FHL2: variants seen among roughly 807,000 people sequenced by gnomAD.
The protein encoded by FHL2 is four and a half LIM domains 2.
A neutral mutation model predicts 32.7 loss-of-function variants in FHL2; 20 were observed. That is an observed-to-expected ratio of 0.61 (90% CI 0.43 to 0.89). FHL2 has a LOEUF of 0.89. Ranked by LOEUF, FHL2 falls within the 40% of genes least tolerant of loss-of-function variation. FHL2 has a pLI of 0.00. For missense variants in FHL2, 311 were observed against 358.6 expected, an observed-to-expected ratio of 0.87 and a Z score of 1.07; for synonymous variants, 123 against 128.1, an observed-to-expected ratio of 0.96 and a Z score of 0.27.
intron 1 of FHL2, among the ~76,000 whole-genome samples, chr2:105,411,552 T>G (rs909852765): frequency 1.5e-4 from 23 of 148,626 alleles, no homozygotes; most frequent in Admixed American, 1.2e-3. Context: ...TTTTTTTTTT[T>G]TTTTTTTTTT....
intron 1 of FHL2, among the ~76,000 whole-genome samples, chr2:105,424,874 A>G (rs1189699041): frequency 6.6e-6 from 1 of 152,132 alleles, no homozygotes; most frequent in Non-Finnish European, 1.5e-5. Flanking sequence ...CCTGTCAGGG[A>G]GTGGGGGCCT....
At chr2:105,373,337 C>A (rs1402711041) in intron 4 of FHL2, among the ~76,000 whole-genome samples, 1 of 152,214 alleles carries the variant, frequency 6.6e-6, no homozygotes, top group African/African-American at 2.4e-5. Context: ...GACTGCATAA[C>A]ACTGCCCCAC....
chr2:105,362,928 C>A, intron 6 of FHL2: 2 of 227,092 alleles, frequency 8.8e-6, no homozygotes, highest in South Asian at 1.6e-4. Flanking sequence ...CTAGGGGACA[C>A]TTCTAAGAAC....
At chr2:105,370,359 A>G (rs1247025708) in intron 4 of FHL2, among the ~76,000 whole-genome samples, 3 of 151,378 alleles carry the variant, frequency 2.0e-5, no homozygotes, top group Non-Finnish European at 4.4e-5. Context: ...TGAGCGAAAG[A>G]GCGAGATCCT....
At chr2:105,432,867 G>A (rs927214501) in intron 1 of FHL2, among the ~76,000 whole-genome samples, 5 of 152,242 alleles carry the variant, frequency 3.3e-5, no homozygotes, top group Non-Finnish European at 5.9e-5. Context: ...GTATTGAAAG[G>A]TAGGGAGTGA....
At chr2:105,394,580 G>GA (rs1558712650) in intron 2 of FHL2, among the ~76,000 whole-genome samples, 91 of 12,790 alleles carry the variant, frequency 7.1e-3, no homozygotes, top group African/African-American at 0.03. Context: ...TGAGACCCTG[G>GA]GAAAAAAAAA....
intron 3 of FHL2, among the ~76,000 whole-genome samples, chr2:105,382,743 G>C (rs1681990039): frequency 1.3e-5 from 2 of 151,962 alleles, no homozygotes; most frequent in Admixed American, 6.6e-5. Context: ...TGGGTATGGT[G>C]GCCAGTCCAA....
chr2:105,399,351 GT>G (rs1307998305), upstream of FHL2: 2 of 1,535,824 alleles, frequency 1.3e-6, no homozygotes, highest in African/African-American at 2.7e-5. Context: ...GGTGGCAGGG[GT>G]CTGCCCACGC....
rs557678251 is a variant in FHL2, at chr2:105,438,004, C to T, written c.-25+395G>A. 3.9e-5 allele frequency among the ~76,000 whole-genome samples: 6 copies of T among 152,292 alleles called. No individual in the cohort carries two copies. The South Asian group carries it at 1.0e-3, about 26-fold the overall frequency. On this transcript the variant is annotated intron_variant, in intron 1 of 5. Transcript: ENST00000393352. ...AGTGCACTGTGGTTTTCTCCCTTTC[C>T]AATGTTTATTTTATAACATTTCTTC...
intron 1 of FHL2, among the ~76,000 whole-genome samples, chr2:105,437,274 G>C (rs555799702): frequency 6.6e-6 from 1 of 152,090 alleles, no homozygotes; most frequent in Admixed American, 6.5e-5. Context: ...GTAAGGGGTC[G>C]GGTGGATCTC....
At chr2:105,362,682 C>T (rs1233596383) in intron 6 of FHL2, among the ~76,000 whole-genome samples, 1 of 152,204 alleles carries the variant, frequency 6.6e-6, no homozygotes, top group Non-Finnish European at 1.5e-5. Context: ...ATTTAAAGGA[C>T]TTTAGTGTGA....
At chr2:105,412,652 C>T (rs570800480) in intron 1 of FHL2, among the ~76,000 whole-genome samples, 23 of 152,072 alleles carry the variant, frequency 1.5e-4, no homozygotes, top group Non-Finnish European at 3.1e-4. Flanking sequence ...AGGAGTGGGT[C>T]GAAGGTCAAG....
At chr2:105,435,919 A>C (rs2104689693) in intron 1 of FHL2, among the ~76,000 whole-genome samples, 1 of 152,324 alleles carries the variant, frequency 6.6e-6, no homozygotes, top group South Asian at 2.1e-4. Context: ...GCTCCTCCTT[A>C]ATAAAACAGA....
At chr2:105,409,510 A>T (rs1047530279) in intron 1 of FHL2, among the ~76,000 whole-genome samples, 2 of 152,102 alleles carry the variant, frequency 1.3e-5, no homozygotes, top group Non-Finnish European at 1.5e-5. Flanking sequence ...GTTAATAGTA[A>T]ATTTTACATT....
intron 2 of FHL2, among the ~76,000 whole-genome samples, chr2:105,387,243 T>A (rs1375597584): frequency 6.6e-6 from 1 of 152,166 alleles, no homozygotes; most frequent in Non-Finnish European, 1.5e-5. Context: ...AAATAATACG[T>A]CCATTTCTAT....
chr2:105,414,709 T>C (rs977085067), intron 1 of FHL2, among the ~76,000 whole-genome samples: 15 of 152,156 alleles, frequency 9.9e-5, no homozygotes, highest in African/African-American at 3.4e-4. Context: ...CACGCTACCA[T>C]GTCCAGCTAA....
intron 5 of FHL2, among the ~76,000 whole-genome samples, chr2:105,364,947 C>G (rs569831755): frequency 2.2e-4 from 34 of 152,078 alleles, no homozygotes; most frequent in Non-Finnish European, 4.0e-4. Flanking sequence ...TTAGTATAAC[C>G]CACCCCACTG....
intron 1 of FHL2, among the ~76,000 whole-genome samples, chr2:105,405,212 C>T (rs1465691224): frequency 6.6e-6 from 1 of 152,192 alleles, no homozygotes; most frequent in African/African-American, 2.4e-5. Context: ...CCTGCCTTCT[C>T]TTAGAGTTTT....
At chr2:105,430,724 G>T (rs1684407424) in intron 1 of FHL2, among the ~76,000 whole-genome samples, 1 of 152,168 alleles carries the variant, frequency 6.6e-6, no homozygotes, top group South Asian at 2.1e-4. Flanking sequence ...TGTAGGAGTT[G>T]GGTATAAAGA....
Sources: allele counts gnomAD v4.1 joint callset (sites outside exome capture counted in the v4.1 genomes callset), GRCh38; gene constraint gnomAD v4.1.1; transcripts MANE v1.5; gene names NCBI Gene and HGNC (gene_info 2026-07-23, HGNC 2026-07-21).